STK31: variants seen among roughly 807,000 people sequenced by gnomAD.
STK31 encodes serine/threonine kinase 31, also known as serine/threonine-protein kinase 31.
A neutral mutation model predicts 129.7 loss-of-function variants in STK31; 89 were observed. The observed-to-expected ratio is 0.69, with a 90% confidence interval of 0.58 to 0.82. The LOEUF is 0.82. Among genes scored for constraint, STK31 ranks in the 40% least tolerant of loss-of-function variants. STK31 has a pLI of 0.00. For missense variants in STK31, 1,187 were observed against 1,176.4 expected (o/e 1.01, Z -0.13); for synonymous variants, 448 against 395.3 (o/e 1.13, Z -1.58).
chr7:23,713,331 C>T (rs755918244), intron 3 of STK31, among the ~76,000 whole-genome samples: 12 of 152,080 alleles, frequency 7.9e-5, no homozygotes, highest in Non-Finnish European at 1.2e-4. Flanking sequence ...GGGCACTCAC[C>T]ATGAATGGAG....
chr7:23,773,703 T>G (rs1315682430), intron 15 of STK31, among the ~76,000 whole-genome samples: 1 of 151,110 alleles, frequency 6.6e-6, no homozygotes, highest in East Asian at 2.0e-4. Context: ...CTCCAGCATC[T>G]GTGGTTTCCT....
Position 23,772,248 on chromosome 7 carries a change from G to A in STK31, c.1935G>A (p.Trp645Ter). 6.2e-7 allele frequency: 1 copy of A among 1,606,368 alleles called. No individual in the cohort carries two copies. Among genetic ancestry groups the A allele is most frequent in the Non-Finnish European group, 8.5e-7 (1 of 1,177,342 alleles). ...TLKSLKALLR[W>*]KLVEKSNLEE... Reference sequence around the variant, plus strand: ...AAAGCTTAAAAGCTCTACTCAGATGGAAATTGGTTGAAAAGAGTAATTTGG... The same window carrying A: ...AAAGCTTAAAAGCTCTACTCAGATGAAAATTGGTTGAAAAGAGTAATTTGG... Residue 645 changes from tryptophan (W) to a stop codon, truncating the protein, a stop_gained, in exon 15 of 24, where the codon TGG becomes TGA. Transcript: ENST00000355870. LOFTEE classifies it high-confidence loss of function.
In STK31 at chr7:23,832,375, T is replaced by A. The variant is rs183133777; in HGVS notation, c.*9T>A. 2.0e-5 allele frequency: 32 copies of A among 1,594,900 alleles called. No homozygotes were observed. In the East Asian group the frequency reaches 6.9e-4, roughly 35 times the overall value. The stretch of plus-strand genomic sequence containing the variant: ...CCAACTTTGATTGTTAAATTATTAT[T>A]GTTGTTGTTGCAGAGGTTCTTTTTA... On this transcript the variant is annotated 3_prime_UTR_variant, in exon 24 of 24. Coordinates refer to ENST00000355870, the MANE Select transcript of STK31 (RefSeq NM_031414.5).
At chr7:23,785,042 A>C (rs1186648827) in intron 17 of STK31, among the ~76,000 whole-genome samples, 2 of 152,088 alleles carry the variant, frequency 1.3e-5, no homozygotes, top group African/African-American at 4.8e-5. Flanking sequence ...TACATGGATA[A>C]GTTCTTTAGT....
chr7:23,742,204 C>G (rs1788091284), intron 8 of STK31, among the ~76,000 whole-genome samples: 2 of 152,204 alleles, frequency 1.3e-5, no homozygotes, highest in Admixed American at 1.3e-4. Context: ...AAAATGGTGC[C>G]TTGGGCATGG....
At chr7:23,757,251 A>G (rs1243870808) in intron 10 of STK31, among the ~76,000 whole-genome samples, 1 of 152,098 alleles carries the variant, frequency 6.6e-6, no homozygotes, top group African/African-American at 2.4e-5. Flanking sequence ...GTTTCTCGTC[A>G]GGTGGAACGA....
At position 23,754,452 on chromosome 7, in the gene STK31, A is replaced by T; in HGVS notation, c.1271A>T (p.Asn424Ile). The T allele has an allele frequency of 6.2e-7, 1 of 1,611,356 alleles. No individual in the cohort carries two copies. Among genetic ancestry groups the T allele is most frequent in the South Asian group, 1.1e-5 (1 of 89,956 alleles). ...GCAGAATACAGTCTGGCTCAGGAGA[A>T]TATTAAAACTTGTGAATATGTGGTG... ...IWAEYSLAQE[N>I]IKTCEYVSEG... Residue 424 changes from asparagine (N) to isoleucine (I), a missense_variant, in exon 10 of 24, where the codon AAT (asparagine) becomes ATT (isoleucine). This residue lies in a region of STK31 where 975 missense variants were observed against 934.9 expected (regional missense o/e 1.04). Transcript: ENST00000355870.
At chr7:23,717,408 C>T in intron 3 of STK31, 73 bp from the exon 4 acceptor site, 1 of 1,031,630 alleles carries the variant, frequency 9.7e-7, no homozygotes, top group South Asian at 1.8e-5. Context: ...GTTTATCATG[C>T]TTAGAACCCT....
intron 3 of STK31, among the ~76,000 whole-genome samples, chr7:23,714,668 A>G (rs767869387): frequency 1.3e-5 from 2 of 152,234 alleles, no homozygotes; most frequent in African/African-American, 2.4e-5. Flanking sequence ...TAGACTAGCC[A>G]TATTTCAAGT....
chr7:23,738,252 A>G (rs964087319), intron 8 of STK31, among the ~76,000 whole-genome samples: 2 of 152,226 alleles, frequency 1.3e-5, no homozygotes, highest in African/African-American at 4.8e-5. Context: ...GAAGATATAT[A>G]TAAGGCAAGG....
rs199698256 is a variant in STK31, at chr7:23,762,906, C to A, written c.1399C>A (p.Arg467Ser). Reference sequence around the variant, plus strand: ...AGTTGATGAGTCATCTCTTAATAAACGCTTAAAAACATTGCAGGTTGGAAT... The same window carrying A: ...AGTTGATGAGTCATCTCTTAATAAAAGCTTAAAAACATTGCAGGTTGGAAT... ...LEVDESSLNK[R>S]LKTLQDLSVS... is the part of the protein sequence containing the mutation. The change falls in exon 11 of 24, where the codon CGC becomes AGC. Residue 467 changes from arginine to serine, a missense_variant. Around this residue, in one of 5 missense-constraint regions of STK31, gnomAD observed 975 missense variants for 934.9 expected, o/e 1.04. Coordinates refer to ENST00000355870, the MANE Select transcript of STK31 (RefSeq NM_031414.5). 3.2e-6 allele frequency: 5 copies of A among 1,579,550 alleles called. No homozygotes were observed. The Admixed American group carries it at 5.7e-5, about 18-fold the overall frequency.
chr7:23,785,649 G>A lies in STK31; in HGVS notation c.2274+46G>A, dbSNP rs1019071641. On this transcript the variant is annotated intron_variant, in intron 18 of 23. Transcript: ENST00000355870. Reference sequence around the variant, plus strand: ...CTTGTGGGAGATTCAGCAGCATAAAGGATAGTGGTGCTGTTACATTTCAAG... The same window carrying A: ...CTTGTGGGAGATTCAGCAGCATAAAAGATAGTGGTGCTGTTACATTTCAAG... 3.8e-6 allele frequency: 6 copies of A among 1,573,264 alleles called. No individual in the cohort carries two copies. The Admixed American group carries it at 8.6e-5, about 23-fold the overall frequency.
chr7:23,781,269 A>G (rs1246843441), intron 15 of STK31, 150 bp from the exon 16 acceptor site: 4 of 475,834 alleles, frequency 8.4e-6, no homozygotes, highest in Non-Finnish European at 1.5e-5. Context: ...ACCTAAGTTA[A>G]TTCAGCAAGT....
chr7:23,763,275 C>G (rs1324255893), intron 11 of STK31, among the ~76,000 whole-genome samples: 1 of 152,100 alleles, frequency 6.6e-6, no homozygotes, highest in African/African-American at 2.4e-5. Flanking sequence ...GGGATCAACT[C>G]TGATCCATAA....
Position 23,754,247 on chromosome 7 carries a change from G to A in STK31, c.1134-68G>A, listed in dbSNP as rs1788907703. 3.9e-6 allele frequency: 6 copies of A among 1,532,050 alleles called. No individual in the cohort carries two copies. The South Asian group carries it at 6.3e-5, about 16-fold the overall frequency. 94.9% of individuals were successfully genotyped at this position (1,532,050 alleles called of 1,614,324 possible). A position where few individuals can be genotyped will look rare whatever the true frequency, so the allele number is the denominator to read the frequency against. On this transcript the variant is annotated intron_variant, in intron 9 of 23. Coordinates refer to ENST00000355870, the MANE Select transcript of STK31 (RefSeq NM_031414.5). ...TAACTTTTAGACCATTACTATTAAAGTGTAACTTTTTCTCACACCAGCTTT... is the reference window on the plus strand; with the variant it reads ...TAACTTTTAGACCATTACTATTAAAATGTAACTTTTTCTCACACCAGCTTT...
Position 23,712,330 on chromosome 7 carries a change from C to T in STK31, c.150+44C>T, listed in dbSNP as rs1786025878. ...GATATCCCCCCTCACCTCCCCCAATCCAGTTCCTCCCCAACAAAAACAAAA... is the reference window on the plus strand; with the variant it reads ...GATATCCCCCCTCACCTCCCCCAATTCAGTTCCTCCCCAACAAAAACAAAA... On this transcript the variant is annotated intron_variant, in intron 3 of 23. Transcript: ENST00000355870. The T allele has an allele frequency of 7.0e-6, 11 of 1,577,726 alleles. No individual in the cohort carries two copies. In the East Asian group the frequency reaches 2.2e-4, roughly 32 times the overall value.
intron 22 of STK31, among the ~76,000 whole-genome samples, chr7:23,800,432 G>A (rs540690569): frequency 6.6e-6 from 1 of 152,238 alleles, no homozygotes; most frequent in Non-Finnish European, 1.5e-5. Flanking sequence ...ATCCTTTGCA[G>A]GGACATGGGT....
At chr7:23,827,216 C>T (rs944876722) in intron 23 of STK31, among the ~76,000 whole-genome samples, 18 of 152,302 alleles carry the variant, frequency 1.2e-4, no homozygotes, top group Non-Finnish European at 2.1e-4. Context: ...CCATTCTCTT[C>T]GTCACTTTGA....
intron 22 of STK31, among the ~76,000 whole-genome samples, chr7:23,792,527 AGTT>A (rs1226043935): frequency 6.6e-6 from 1 of 152,212 alleles, no homozygotes; most frequent in African/African-American, 2.4e-5. Context: ...TATGGATATC[AGTT>A]GTTCTTGGCT....
Sources: gnomAD v4.1 joint callset for allele counts (sites outside exome capture counted in the v4.1 genomes callset) on GRCh38, gnomAD v4.1.1 for gene constraint, gnomAD v4.1.1 regional missense constraint, MANE v1.5 for transcripts, NCBI Gene and HGNC (gene_info 2026-07-23, HGNC 2026-07-21) for gene names.